TMEM63C: variants seen among roughly 807,000 people sequenced by gnomAD.
TMEM63C encodes the protein transmembrane protein 63C.
A neutral mutation model predicts 99.2 loss-of-function variants in TMEM63C; 32 were observed. That is an observed-to-expected ratio of 0.32 (90% CI 0.24 to 0.43). TMEM63C has a LOEUF of 0.43. TMEM63C is among the 20% of genes least tolerant of loss of function. TMEM63C has a pLI of 1.00. For missense variants in TMEM63C, 826 were observed against 1,053.0 expected, an observed-to-expected ratio of 0.78 and a Z score of 2.98; for synonymous variants, 376 against 397.9, an observed-to-expected ratio of 0.94 and a Z score of 0.66.
intron 22 of TMEM63C, among the ~76,000 whole-genome samples, 199 bp downstream of exon 22, chr14:77,252,097 C>T (rs1270298563): frequency 2.0e-5 from 3 of 151,858 alleles, no homozygotes; most frequent in Non-Finnish European, 4.4e-5. Flanking sequence ...GCATGCCTTG[C>T]ACTAGCTTAG....
intron 3 of TMEM63C, 132 bp downstream of exon 3, chr14:77,219,095 G>A: frequency 1.8e-6 from 2 of 1,117,136 alleles, no homozygotes; most frequent in Non-Finnish European, 2.4e-6. Context: ...CTGAATGTCA[G>A]TCCTGCCTAG....
chr14:77,204,492 T>C (rs1240642273), intron 1 of TMEM63C, among the ~76,000 whole-genome samples: 1 of 152,178 alleles, frequency 6.6e-6, no homozygotes, highest in Non-Finnish European at 1.5e-5. Flanking sequence ...AAATGAGTCC[T>C]ACCCCAACCC....
At chr14:77,248,742 G>T (rs1186468173) in intron 19 of TMEM63C, 25 bp from the exon 20 acceptor site, 1 of 1,608,528 alleles carries the variant, frequency 6.2e-7, no homozygotes, top group East Asian at 2.2e-5. Flanking sequence ...GGCCACCTCA[G>T]GGTGACACCT....
Position 77,240,559 on chromosome 14 carries a change from C to A in TMEM63C, c.1015C>A (p.Arg339=), listed in dbSNP as rs776064361. Residue 339 remains arginine, a synonymous_variant, in exon 13 of 24, where the codon CGG becomes AGG. Transcript: ENST00000298351. ...CGAGCTCAACCGCGTGCCGCTCAAG[C>A]GGCTGGACCTGATCTTTGTCACCTT... ...NAELNRVPLK[R]LDLIFVTFQD... 3.7e-6 allele frequency: 6 copies of A among 1,611,708 alleles called. No individual in the cohort carries two copies. In the South Asian group the frequency reaches 5.5e-5, roughly 15 times the overall value.
Position 77,246,649 on chromosome 14 carries a change from C to T in TMEM63C, c.1576C>T (p.Leu526=), listed in dbSNP as rs1375650069. 6.2e-7 allele frequency: 1 copy of T among 1,613,300 alleles called. No individual in the cohort carries two copies. The highest frequency in any genetic ancestry group is 1.7e-5 in the Admixed American group (1 of 59,942). ...FLRWLFDIYY[L]EQASIRFQCV... is the part of the protein sequence containing the mutation. ...CCGCTGGCTCTTTGACATCTACTATCTAGAGCAAGCATCCATCAGGTTCCA... is the reference window on the plus strand; with the variant it reads ...CCGCTGGCTCTTTGACATCTACTATTTAGAGCAAGCATCCATCAGGTTCCA... The change falls in exon 18 of 24, where the codon CTA becomes TTA. Residue 526 remains leucine, a synonymous_variant. Coordinates refer to ENST00000298351, the MANE Select transcript of TMEM63C (RefSeq NM_020431.4).
At chr14:77,244,787 G>A (rs906152122) in intron 16 of TMEM63C, among the ~76,000 whole-genome samples, 5 of 152,230 alleles carry the variant, frequency 3.3e-5, no homozygotes, top group Non-Finnish European at 5.9e-5. Flanking sequence ...GGCAGTCCCA[G>A]GCATTCCATG....
In TMEM63C at chr14:77,256,850, A is replaced by G. The variant is rs1030755136; in HGVS notation, c.*124A>G. The G allele has an allele frequency of 1.0e-5, 9 of 880,446 alleles. No homozygotes were observed. Among genetic ancestry groups the G allele is most frequent in the African/African-American group, 6.7e-5 (4 of 59,418 alleles). 54.5% of individuals were successfully genotyped at this position (880,446 alleles called of 1,614,324 possible). ...GCAGACTTTGAGAAGCCCACAGTGGAGACATCCACCACCCCAGCCATGGGC... is the reference window on the plus strand; with the variant it reads ...GCAGACTTTGAGAAGCCCACAGTGGGGACATCCACCACCCCAGCCATGGGC... On this transcript the variant is annotated 3_prime_UTR_variant, in exon 24 of 24. Transcript: ENST00000298351.
intron 1 of TMEM63C, among the ~76,000 whole-genome samples, chr14:77,206,895 T>C (rs1888412226): frequency 6.6e-6 from 1 of 152,242 alleles, no homozygotes; most frequent in South Asian, 2.1e-4. Flanking sequence ...TCTTTTATTT[T>C]TTTTTAGAAT....
chr14:77,190,880 A>G (rs2140089932), intron 1 of TMEM63C, among the ~76,000 whole-genome samples: 1 of 152,354 alleles, frequency 6.6e-6, no homozygotes, highest in East Asian at 1.9e-4. Context: ...CTCTAGAGGT[A>G]CAAGCCAACA....
At chr14:77,251,941 T>G (rs766642332) in intron 22 of TMEM63C, 43 bp downstream of exon 22, 5 of 1,462,234 alleles carry the variant, frequency 3.4e-6, no homozygotes, top group Non-Finnish European at 3.8e-6. Flanking sequence ...TCTTGGTCCC[T>G]GGGGGACACA....
intron 1 of TMEM63C, among the ~76,000 whole-genome samples, chr14:77,194,493 TTTTCTTTCTTTCTTTCTTTC>T (rs756926975): frequency 4.3e-4 from 21 of 48,676 alleles, no homozygotes; most frequent in African/African-American, 1.2e-3. Context: ...CATATTTCTT[TTTTCTTTCTTTCTTTCTTTC>T]TTTCTTTCTT....
chr14:77,220,632 A>C (rs1888674649), intron 5 of TMEM63C, among the ~76,000 whole-genome samples: 1 of 152,112 alleles, frequency 6.6e-6, no homozygotes, highest in African/African-American at 2.4e-5. Context: ...CTGGGGACCA[A>C]GTCCTGCCTC....
chr14:77,250,536 T>G (rs1594870444), intron 21 of TMEM63C, among the ~76,000 whole-genome samples: 1 of 150,212 alleles, frequency 6.7e-6, no homozygotes, highest in African/African-American at 2.4e-5. Context: ...GCCTCCCGGG[T>G]TAAAGCTATT....
intron 5 of TMEM63C, 23 bp from the exon 6 acceptor site, chr14:77,225,401 C>T: frequency 1.2e-6 from 2 of 1,611,904 alleles, no homozygotes; most frequent in African/African-American, 1.3e-5. Context: ...GGTTTTCTCA[C>T]AGTTTCTCTC....
Position 77,236,714 on chromosome 14 carries a change from A to G in TMEM63C, c.633A>G (p.Ala211=), listed in dbSNP as rs403291. 0.73 allele frequency: 1,183,558 copies of G among 1,610,466 alleles called. 437,430 individuals are homozygous for G. Among genetic ancestry groups the G allele is most frequent in the East Asian group, 0.95 (42,379 of 44,794 alleles). ...MFMAHHCLGF[A]PRNSQKVTRT... ...TGGCTCATCACTGCCTGGGGTTTGC[A>G]CCCAGGAATAGCCAAAAGGTAAGTA... Residue 211 remains alanine, a synonymous_variant, in exon 9 of 24, where the codon GCA becomes GCG. Transcript: ENST00000298351.
chr14:77,210,407 C>T (rs1326143089), intron 1 of TMEM63C, among the ~76,000 whole-genome samples: 1 of 152,184 alleles, frequency 6.6e-6, no homozygotes, highest in East Asian at 1.9e-4. Context: ...ATATGTAAAG[C>T]TGAGCAAACC....
At chr14:77,238,599 G>A in intron 9 of TMEM63C, 95 bp from the exon 10 acceptor site, 2 of 969,792 alleles carry the variant, frequency 2.1e-6, no homozygotes, top group Admixed American at 2.0e-5. Context: ...CCTGCTGTGA[G>A]CAGAAGGCCT....
intron 23 of TMEM63C, 92 bp downstream of exon 23, chr14:77,253,468 C>A: frequency 7.8e-7 from 1 of 1,286,884 alleles, no homozygotes; most frequent in Non-Finnish European, 1.1e-6. Flanking sequence ...AGCTTTGCTG[C>A]CCACTCTGGG....
chr14:77,189,407 T>C (rs910575002), intron 1 of TMEM63C, among the ~76,000 whole-genome samples: 1 of 152,156 alleles, frequency 6.6e-6, no homozygotes, highest in Non-Finnish European at 1.5e-5. Flanking sequence ...TGTGAGCTAC[T>C]GTGCCTGGCT....
Sources: gnomAD v4.1 joint callset for allele counts (sites outside exome capture counted in the v4.1 genomes callset) on GRCh38, gnomAD v4.1.1 for gene constraint, MANE v1.5 for transcripts, NCBI Gene and HGNC (gene_info 2026-07-23, HGNC 2026-07-21) for gene names.